Variants in GRIP2 observed in about 807,000 individuals in gnomAD.
GRIP2 encodes the protein glutamate receptor-interacting protein 2.
GRIP2 carries 58 observed loss-of-function variants against 108.3 expected under a neutral mutation model. The observed-to-expected ratio is 0.54, with a 90% confidence interval of 0.43 to 0.67. The LOEUF (loss-of-function observed/expected upper bound fraction) is 0.67, where lower values mean the gene tolerates loss of function less well. Ranked by LOEUF, GRIP2 falls within the 30% of genes least tolerant of loss-of-function variation. The pLI is 0.00. For missense variants in GRIP2, 1,278 were observed against 1,430.6 expected (o/e 0.89, Z 1.72); for synonymous variants, 586 against 598.2 (o/e 0.98, Z 0.30).
the GRIP2 span, among the ~76,000 whole-genome samples, chr3:14,582,853 A>G: frequency 2.0e-5 from 3 of 152,194 alleles, no homozygotes; most frequent in African/African-American, 7.2e-5. Flanking sequence ...TGCCCATTAG[A>G]ACTTAAGATC....
At chr3:14,573,110 G>A in the GRIP2 span, 1 of 1,426,956 alleles carries the variant, frequency 7.0e-7, no homozygotes, top group Non-Finnish European at 9.9e-7. Context: ...TGTGGGCAAA[G>A]TTGTCGATCC....
chr3:14,565,097 G>A, the GRIP2 span, among the ~76,000 whole-genome samples: 6 of 152,180 alleles, frequency 3.9e-5, no homozygotes, highest in Middle Eastern at 3.2e-3. Context: ...GGGGTTGAGA[G>A]GGCTTTTCCA....
upstream of GRIP2, among the ~76,000 whole-genome samples, chr3:14,546,859 T>C (rs1209553458): frequency 6.6e-6 from 1 of 152,134 alleles, no homozygotes; most frequent in Non-Finnish European, 1.5e-5. Flanking sequence ...GCACAGCTGG[T>C]GGGGGGTAAA....
intron 1 of GRIP2, among the ~76,000 whole-genome samples, chr3:14,551,368 C>T (rs1344524399): frequency 6.6e-6 from 1 of 152,194 alleles, no homozygotes; most frequent in East Asian, 1.9e-4. Flanking sequence ...GGCCAATGTG[C>T]GGTTGGGGCA....
At chr3:14,555,972 C>T (rs1235863226) in exon 1 of GRIP2, 3 of 399,070 alleles carry the variant, frequency 7.5e-6, no homozygotes, top group South Asian at 1.3e-4. Context: ...TCCTGCCCTC[C>T]GGCAGAGCCC....
At position 14,505,847 on chromosome 3, in the gene GRIP2, G is replaced by T. The variant is rs1311020261; in HGVS notation, c.2399-58C>A. 5 of 1,436,812 alleles carry T rather than the reference G, an allele frequency of 3.5e-6. No homozygotes were observed. In the South Asian group the frequency reaches 4.4e-5, roughly 13 times the overall value. 89.0% of individuals were successfully genotyped at this position (1,436,812 alleles called of 1,614,324 possible). On this transcript the variant is annotated intron_variant, in intron 19 of 23. Transcript: ENST00000621039. The surrounding 1 kb of genome is among the most constrained non-coding windows in gnomAD (Gnocchi z 4.2). ...GCGGCCTCACCTTGCCCTCCTGCCT[G>T]CCCCATTTCCAGCTGTGCTGAGTGA...
chr3:14,520,342 C>A, intron 8 of GRIP2, 48 bp downstream of exon 8: 1 of 1,610,408 alleles, frequency 6.2e-7, no homozygotes, highest in Admixed American at 1.7e-5. Context: ...TGGGCCGCCT[C>A]TCCCCTGCAC....
intron 1 of GRIP2, among the ~76,000 whole-genome samples, chr3:14,553,264 C>T (rs1217824052): frequency 2.6e-5 from 4 of 152,068 alleles, no homozygotes; most frequent in Admixed American, 1.3e-4. Context: ...CGTGCTACCA[C>T]GTTCAGCTAA....
At chr3:14,588,497 G>A in the GRIP2 span, among the ~76,000 whole-genome samples, 6 of 152,048 alleles carry the variant, frequency 3.9e-5, no homozygotes, top group African/African-American at 7.2e-5. Flanking sequence ...CAAGGTGGGT[G>A]GCCTCTCCTG....
rs1267694188 is a variant in GRIP2, at chr3:14,494,912, A to G, written c.2901T>C (p.Tyr967=). 6.2e-7 allele frequency: 1 copy of G among 1,613,962 alleles called. No individual in the cohort carries two copies. Among genetic ancestry groups the G allele is most frequent in the Non-Finnish European group, 8.5e-7 (1 of 1,179,862 alleles). ...GCCCATCAGGGCGCACAGTGTGGACATAGACACCTTTTTCCAGGAGGCCAT... is the reference window on the plus strand; with the variant it reads ...GCCCATCAGGGCGCACAGTGTGGACGTAGACACCTTTTTCCAGGAGGCCAT... ...VSDGLLEKGV[Y]VHTVRPDGPA... is the part of the protein sequence containing the mutation. Residue 967 remains tyrosine, a synonymous_variant, in exon 23 of 24, where the codon TAT becomes TAC. Transcript: ENST00000621039.
upstream of GRIP2, among the ~76,000 whole-genome samples, chr3:14,543,362 C>A (rs1395220862): frequency 6.6e-6 from 1 of 152,246 alleles, no homozygotes; most frequent in Non-Finnish European, 1.5e-5. Flanking sequence ...AAGAGTTTGT[C>A]TTTCATCCTG....
intron 23 of GRIP2, 59 bp downstream of exon 23, chr3:14,494,784 C>G: frequency 6.5e-7 from 1 of 1,548,840 alleles, no homozygotes; most frequent in Non-Finnish European, 8.7e-7. Context: ...GGCTCTTTCC[C>G]CACCCTCAGG....
chr3:14,599,427 C>T, the GRIP2 span, among the ~76,000 whole-genome samples: 314 of 152,256 alleles, frequency 2.1e-3, 8 homozygotes, highest in South Asian at 0.064. Context: ...GAGCAGTCTC[C>T]CTGATAGGAA....
rs767248839 is a variant in GRIP2 at position 14,540,247 on chromosome 3, C to T, written c.40+22G>A. ...TATGTGTTCAGCCCCATCACTCTGC[C>T]CACAGACCCCCCATTACGTACCCGC... On this transcript the variant is annotated intron_variant, in intron 1 of 23. Transcript: ENST00000621039. This position sits in a 1 kb window ranked among gnomAD's most constrained non-coding sequence, Gnocchi z 4.1. 12 of 1,612,792 alleles carry T rather than the reference C, an allele frequency of 7.4e-6. No homozygotes were observed. In the East Asian group the frequency reaches 2.5e-4, roughly 33 times the overall value.
At chr3:14,518,658 G>A (rs918059868) in intron 9 of GRIP2, among the ~76,000 whole-genome samples, 3 of 152,172 alleles carry the variant, frequency 2.0e-5, no homozygotes, top group Admixed American at 6.5e-5. Context: ...CGGATGGACA[G>A]GTGAGGACTC....
chr3:14,493,833 G>A lies in GRIP2; in HGVS notation c.2971-7C>T, dbSNP rs115041468. ...GTGTACGGACGTGGTTGACCTGCAT[G>A]GGGCACAAGCAAGGGAACAGAACCG... On this transcript the variant is annotated splice_region_variant and splice_polypyrimidine_tract_variant and intron_variant, in intron 23 of 23. Transcript: ENST00000621039. The A allele has an allele frequency of 3.1e-6, 5 of 1,609,286 alleles. No homozygotes were observed. The South Asian group carries it at 4.4e-5, about 14-fold the overall frequency.
At chr3:14,546,157 CTCTGCAGT>C (rs1695054870), upstream of GRIP2, among the ~76,000 whole-genome samples, 1 of 152,168 alleles carries the variant, frequency 6.6e-6, no homozygotes, top group Non-Finnish European at 1.5e-5. Flanking sequence ...GAGGGGACTG[CTCTGCAGT>C]AACTGCCTGG....
chr3:14,522,005 G>A lies in GRIP2; in HGVS notation c.567-218C>T. On this transcript the variant is annotated intron_variant, in intron 6 of 23. Transcript: ENST00000621039. This position sits in a 1 kb window ranked among gnomAD's most constrained non-coding sequence, Gnocchi z 4.3. ...ATAAAGCAAGGGGGGGATGAAGACA[G>A]GATGGGGTGGCTCTGCCGCCTGCCA... 1.8e-6 allele frequency: 1 copy of A among 541,250 alleles called. No individual in the cohort carries two copies. The highest frequency in any genetic ancestry group is 3.2e-6 in the Non-Finnish European group (1 of 308,664). The allele number at this position is 541,250 out of a possible 1,614,324, so 33.5% of individuals were successfully genotyped here. A position where few individuals can be genotyped will look rare whatever the true frequency, so the allele number is the denominator to read the frequency against.
At chr3:14,533,737 A>G (rs17317288) in intron 1 of GRIP2, among the ~76,000 whole-genome samples, 26,975 of 152,128 alleles carry the variant, frequency 0.18, 2,475 homozygotes, top group South Asian at 0.2. Context: ...ACCGGGTGCT[A>G]AAGTGGGTTA....
Sources: allele counts gnomAD v4.1 joint callset (sites outside exome capture counted in the v4.1 genomes callset), GRCh38; gene constraint gnomAD v4.1.1; non-coding constraint Gnocchi (gnomAD v3.1); transcripts MANE v1.5; gene names NCBI Gene and HGNC (gene_info 2026-07-23, HGNC 2026-07-21).